Variants in ROBO2 observed in about 807,000 individuals in gnomAD.
ROBO2 encodes the protein roundabout guidance receptor 2, also known as roundabout homolog 2.
In ROBO2, 53 loss-of-function variants were observed where a neutral mutation model predicts 160.8. The observed-to-expected ratio is 0.33, with a 90% CI of 0.26 to 0.41. The LOEUF is 0.41. Ranked by LOEUF, ROBO2 falls within the 10% of genes least tolerant of loss-of-function variation. The probability of loss-of-function intolerance (pLI) is 1.00; values close to 1 mark genes in which losing one functional copy is unlikely to be tolerated. For missense variants in ROBO2, 1,577 were observed against 1,722.4 expected (o/e 0.92, Z 1.49); for synonymous variants, 664 against 611.7 (o/e 1.09, Z -1.26).
chr3:76,685,223 G>A (rs1463648449), intron 2 of ROBO2, among the ~76,000 whole-genome samples: 23 of 143,802 alleles, frequency 1.6e-4, no homozygotes, highest in Non-Finnish European at 1.2e-4. Flanking sequence ...AGTAATTTCA[G>A]CTTAATGAGT....
At chr3:76,024,976 A>G (rs1576530073) in intron 2 of ROBO2, among the ~76,000 whole-genome samples, 1 of 150,376 alleles carries the variant, frequency 6.6e-6, no homozygotes, top group East Asian at 1.9e-4. Context: ...GTATATATAT[A>G]TGCTTAAAGG....
intron 2 of ROBO2, among the ~76,000 whole-genome samples, chr3:76,923,516 G>C (rs950520215): frequency 6.6e-6 from 1 of 152,206 alleles, no homozygotes; most frequent in Non-Finnish European, 1.5e-5. Flanking sequence ...TCCAAACTCA[G>C]TGAACTGAAG....
chr3:76,947,612 T>C (rs2078646908), intron 2 of ROBO2, among the ~76,000 whole-genome samples: 1 of 152,218 alleles, frequency 6.6e-6, no homozygotes, highest in African/African-American at 2.4e-5. Flanking sequence ...TGACTGGTTT[T>C]TTCTTAGTTA....
At chr3:76,054,075 C>G (rs1185034627) in intron 2 of ROBO2, among the ~76,000 whole-genome samples, 1 of 152,058 alleles carries the variant, frequency 6.6e-6, no homozygotes, top group South Asian at 2.1e-4. Context: ...AGTTTTATGT[C>G]TTTATGGAAA....
At chr3:76,117,885 G>C (rs2070546508) in intron 2 of ROBO2, among the ~76,000 whole-genome samples, 1 of 152,058 alleles carries the variant, frequency 6.6e-6, no homozygotes, top group South Asian at 2.1e-4. Context: ...CGTCTCAGTG[G>C]CCAGGGAAGG....
intron 2 of ROBO2, among the ~76,000 whole-genome samples, chr3:76,481,598 A>G (rs2079209714): frequency 6.6e-6 from 1 of 152,130 alleles, no homozygotes; most frequent in Admixed American, 6.6e-5. Flanking sequence ...ATATCTCTTA[A>G]AGTTTGCATC....
chr3:76,936,251 G>A (rs1478664527), intron 2 of ROBO2, among the ~76,000 whole-genome samples: 4 of 151,668 alleles, frequency 2.6e-5, no homozygotes, highest in Non-Finnish European at 4.4e-5. Context: ...TCAAAGCTTG[G>A]GGATTCATAG....
At chr3:76,332,357 T>G (rs2073555319) in intron 2 of ROBO2, among the ~76,000 whole-genome samples, 1 of 152,206 alleles carries the variant, frequency 6.6e-6, no homozygotes, top group African/African-American at 2.4e-5. Context: ...TCACATATGT[T>G]CATGTATTTT....
intron 1 of ROBO2, among the ~76,000 whole-genome samples, chr3:75,928,902 G>GA (rs2106913213): frequency 1.6e-5 from 2 of 124,346 alleles, no homozygotes; most frequent in African/African-American, 6.8e-5. Context: ...GTGTGTGTGT[G>GA]ATAGCTGATG....
intron 2 of ROBO2, among the ~76,000 whole-genome samples, chr3:76,591,171 G>A (rs909604385): frequency 6.6e-6 from 1 of 152,040 alleles, no homozygotes; most frequent in Non-Finnish European, 1.5e-5. Context: ...TGGTATATGT[G>A]TTATATATTG....
chr3:77,192,509 A>G (rs947685532), intron 2 of ROBO2, among the ~76,000 whole-genome samples: 3 of 152,142 alleles, frequency 2.0e-5, no homozygotes, highest in Non-Finnish European at 4.4e-5. Context: ...ACTAATTTGA[A>G]CCACTGAGTA....
intron 1 of ROBO2, among the ~76,000 whole-genome samples, chr3:77,043,348 A>G (rs1250541743): frequency 6.6e-6 from 1 of 152,226 alleles, no homozygotes; most frequent in Admixed American, 6.5e-5. Context: ...AATTTTATTC[A>G]GTGACAAATG....
chr3:76,946,581 G>A (rs1412115928), intron 2 of ROBO2, among the ~76,000 whole-genome samples: 2 of 152,030 alleles, frequency 1.3e-5, no homozygotes, highest in African/African-American at 4.8e-5. Context: ...GGGATTACAG[G>A]CGCCCACCAC....
chr3:77,194,334 T>C (rs11709672), intron 2 of ROBO2, among the ~76,000 whole-genome samples: 29,742 of 152,088 alleles, frequency 0.2, 3,332 homozygotes, highest in Middle Eastern at 0.31. Context: ...TACTGTTCTT[T>C]ACGTAAGTTC....
exon 26 of ROBO2, chr3:77,649,783 T>C (rs1301331590): frequency 6.6e-6 from 1 of 152,168 alleles, no homozygotes; most frequent in Non-Finnish European, 1.5e-5. Flanking sequence ...CTTTGTTTTA[T>C]AGATGGATTT....
intron 2 of ROBO2, among the ~76,000 whole-genome samples, chr3:76,046,926 C>G (rs921521817): frequency 1.3e-5 from 2 of 152,158 alleles, no homozygotes; most frequent in African/African-American, 4.8e-5. Flanking sequence ...GTCAAAGTAT[C>G]CATTTGTTCA....
rs7627363 is a variant in ROBO2, at chr3:76,159,255, G to A, written c.109+221653G>A. ...GCTGTATTTTTATAGGCGCCAAGCA[G>A]AATTGCTGCAACTCCTTTCATACAA... On this transcript the variant is annotated intron_variant, in intron 2 of 26. Coordinates refer to the ROBO2 transcript ENST00000487694. Among the ~76,000 whole-genome samples, 1,284 of 152,274 alleles carry A rather than the reference G, an allele frequency of 8.4e-3. 16 individuals are homozygous for A. The highest frequency in any genetic ancestry group is 0.011 in the Non-Finnish European group (744 of 68,016).
intron 2 of ROBO2, among the ~76,000 whole-genome samples, chr3:76,315,147 C>G (rs1223875472): frequency 2.0e-5 from 3 of 152,184 alleles, no homozygotes; most frequent in Non-Finnish European, 1.5e-5. Context: ...TGACTGTTGT[C>G]CATGTCCCAC....
chr3:77,271,646 A>T lies in ROBO2; in HGVS notation c.388+173306A>T, dbSNP rs940443004. ...ATTTTTAATTGTCCCTGTACAAAAG[A>T]TAATAAAGTAGAAGAAAATAAAATC... On this transcript the variant is annotated intron_variant, in intron 2 of 25. Coordinates refer to ENST00000461745, the Ensembl canonical transcript of ROBO2. 7.9e-5 allele frequency among the ~76,000 whole-genome samples: 12 copies of T among 152,360 alleles called. 1 individual carries two copies. In the South Asian group the frequency reaches 2.5e-3, roughly 32 times the overall value.
Sources: gnomAD v4.1 joint callset for allele counts (sites outside exome capture counted in the v4.1 genomes callset) on GRCh38, gnomAD v4.1.1 for gene constraint, MANE v1.5 for transcripts, NCBI Gene and HGNC (gene_info 2026-07-23, HGNC 2026-07-21) for gene names.